The following ABCB11 variants were observed in gnomAD, a reference collection of about 807,000 sequenced individuals.
ABCB11 encodes the protein ATP binding cassette subfamily B member 11.
ABCB11 carries 95 observed loss-of-function variants against 148.0 expected under a neutral mutation model. That is an observed-to-expected ratio of 0.64 (90% CI 0.54 to 0.76). The LOEUF (loss-of-function observed/expected upper bound fraction) is 0.76, where lower values mean the gene tolerates loss of function less well. ABCB11 is among the 30% of genes least tolerant of loss of function. The pLI, the probability that ABCB11 is intolerant of heterozygous loss-of-function variation, is 0.00. For synonymous variants in ABCB11, 591 were observed against 555.4 expected, an observed-to-expected ratio of 1.06 and a Z score of -0.90; for missense variants, 1,523 against 1,617.8, an observed-to-expected ratio of 0.94 and a Z score of 1.01.
At chr2:169,016,719 T>C in intron 3 of ABCB11, 59 bp downstream of exon 3, 1 of 1,420,490 alleles carries the variant, frequency 7.0e-7, no homozygotes, top group East Asian at 2.3e-5. Flanking sequence ...GTGCCTTTGA[T>C]ATGAATATTA....
chr2:169,012,738 T>TAA lies in ABCB11; in HGVS notation c.389+532_389+533dup, dbSNP rs78964015. ...CTGGGCAAAAAAGGAGACTCCATCTTAAAAAAAAAAAAAAAAGAAAAAAGA... is the reference window on the plus strand; with the variant it reads ...CTGGGCAAAAAAGGAGACTCCATCTTAAAAAAAAAAAAAAAAAAGAAAAAAGA... On this transcript the variant is annotated intron_variant, in intron 5 of 27. Coordinates refer to ENST00000650372, the MANE Select transcript of ABCB11 (RefSeq NM_003742.4). Among the ~76,000 whole-genome samples the TAA allele has an allele frequency of 4.6e-4, 57 of 123,708 alleles. 1 individual carries two copies. Among genetic ancestry groups the TAA allele is most frequent in the East Asian group, 1.6e-3 (7 of 4,474 alleles). The allele number at this position is 123,708 out of a possible 152,430, so 81.2% of individuals were successfully genotyped here.
intron 1 of ABCB11, among the ~76,000 whole-genome samples, chr2:169,024,095 T>A (rs1695619590): frequency 6.6e-6 from 1 of 152,140 alleles, no homozygotes; most frequent in South Asian, 2.1e-4. Context: ...CATGCCGGGC[T>A]TAATACCTAG....
In ABCB11 at chr2:168,995,559, T is replaced by A. The variant is rs114991101; in HGVS notation, c.478-77A>T. On this transcript the variant is annotated intron_variant, in intron 6 of 27. Transcript: ENST00000650372. Reference sequence around the variant, plus strand: ...AATTTCTTTTTTCAGAAGAAAGTACTTTCAATACAACAGTTGAGAAAAGGG... The same window carrying A: ...AATTTCTTTTTTCAGAAGAAAGTACATTCAATACAACAGTTGAGAAAAGGG... 3,387 of 1,470,044 alleles carry A rather than the reference T, an allele frequency of 2.3e-3. 7 individuals are homozygous for A. The highest frequency in any genetic ancestry group is 2.9e-3 in the Non-Finnish European group (3,084 of 1,081,000). 91.1% of individuals were successfully genotyped at this position (1,470,044 alleles called of 1,614,324 possible). A position where few individuals can be genotyped will look rare whatever the true frequency, so the allele number is the denominator to read the frequency against.
At chr2:169,026,275 T>G (rs1204633260) in intron 1 of ABCB11, among the ~76,000 whole-genome samples, 3 of 152,188 alleles carry the variant, frequency 2.0e-5, no homozygotes, top group Admixed American at 1.3e-4. Context: ...CAGCATCAAG[T>G]GCATCACTCT....
intron 10 of ABCB11, among the ~76,000 whole-genome samples, chr2:168,982,018 A>G (rs1694151002): frequency 6.6e-6 from 1 of 152,160 alleles, no homozygotes; most frequent in South Asian, 2.1e-4. Context: ...ACAGGACAAA[A>G]GCACATTCCC....
chr2:168,944,352 G>C lies in ABCB11; in HGVS notation c.2610+253C>G, dbSNP rs191541496. Among the ~76,000 whole-genome samples, 34 of 152,110 alleles carry C rather than the reference G, an allele frequency of 2.2e-4. No homozygotes were observed. The East Asian group carries it at 6.2e-3, about 28-fold the overall frequency. Reference sequence around the variant, plus strand: ...AAAACAGACTCAGAAATGTTCCTAAGTTAGACTCAGAGGAAATCCAAAACC... The same window carrying C: ...AAAACAGACTCAGAAATGTTCCTAACTTAGACTCAGAGGAAATCCAAAACC... On this transcript the variant is annotated intron_variant, in intron 21 of 27. Coordinates refer to ENST00000650372, the MANE Select transcript of ABCB11 (RefSeq NM_003742.4).
intron 1 of ABCB11, among the ~76,000 whole-genome samples, chr2:169,028,764 G>GGTT (rs1478799093): frequency 5.3e-5 from 8 of 152,164 alleles, no homozygotes; most frequent in African/African-American, 1.9e-4. Context: ...CACCCACAGA[G>GGTT]GTTAGGAAAT....
At chr2:168,955,522 GA>G (rs1394841044) in intron 19 of ABCB11, among the ~76,000 whole-genome samples, 4 of 151,664 alleles carry the variant, frequency 2.6e-5, no homozygotes, top group African/African-American at 7.2e-5. Flanking sequence ...CAGCAAGGGG[GA>G]AATCTCCTCC....
intron 1 of ABCB11, among the ~76,000 whole-genome samples, chr2:169,023,884 T>G (rs2106070430): frequency 6.6e-6 from 1 of 152,284 alleles, no homozygotes; most frequent in African/African-American, 2.4e-5. Flanking sequence ...AACAAAAAGT[T>G]CCAGCAAGTA....
chr2:168,932,379 AT>A lies in ABCB11; in HGVS notation c.3210del (p.Lys1070AsnfsTer27), dbSNP rs2105891209. 1 of 1,555,834 alleles carries A rather than the reference AT, an allele frequency of 6.4e-7. No homozygotes were observed. ...CTGCATAGTATTCCAACACTTACCC[AT>A]TTTTCACCTGCAGTATTGTATACAC... ...PISVYNTAGE[K>X]WDNFQGKIDF... On this transcript the variant is annotated frameshift_variant, in exon 24 of 28. Coordinates refer to ENST00000650372, the MANE Select transcript of ABCB11 (RefSeq NM_003742.4). LOFTEE classifies it high-confidence loss of function.
At chr2:168,934,409 T>C (rs1387020907) in intron 23 of ABCB11, among the ~76,000 whole-genome samples, 1 of 152,162 alleles carries the variant, frequency 6.6e-6, no homozygotes, top group African/African-American at 2.4e-5. Context: ...GACTCGCCCA[T>C]ATACATGTGT....
At chr2:168,995,195 T>C (rs575801907) in intron 7 of ABCB11, among the ~76,000 whole-genome samples, 154 bp downstream of exon 7, 4 of 152,208 alleles carry the variant, frequency 2.6e-5, no homozygotes, top group South Asian at 2.1e-4. Flanking sequence ...GACAGTGTAT[T>C]ACTTATGAAA....
intron 25 of ABCB11, among the ~76,000 whole-genome samples, chr2:168,930,426 A>G (rs1691513675): frequency 6.6e-6 from 1 of 152,212 alleles, no homozygotes; most frequent in African/African-American, 2.4e-5. Flanking sequence ...CAGTGTGCCC[A>G]GTTTTCTTTG....
At chr2:168,953,895 G>A (rs1289946507) in intron 19 of ABCB11, among the ~76,000 whole-genome samples, 1 of 151,506 alleles carries the variant, frequency 6.6e-6, no homozygotes, top group Non-Finnish European at 1.5e-5. Context: ...CTATGACCTG[G>A]AAGACCCCTC....
intron 19 of ABCB11, among the ~76,000 whole-genome samples, chr2:168,953,976 T>C (rs990232169): frequency 6.6e-6 from 1 of 151,664 alleles, no homozygotes; most frequent in Non-Finnish European, 1.5e-5. Flanking sequence ...TGATGTCTCG[T>C]GTCTCCCTAA....
At position 168,970,382 on chromosome 2, in the gene ABCB11, T is replaced by A. The variant is rs1027623029; in HGVS notation, c.1639-167A>T. ...CTTCCCCAGACGGGTTATTGTCTAA[T>A]CAATATTTATGTGTGAAATAAAGGA... On this transcript the variant is annotated intron_variant, in intron 14 of 27. Coordinates refer to ENST00000650372, the MANE Select transcript of ABCB11 (RefSeq NM_003742.4). 2.0e-6 allele frequency: 3 copies of A among 1,501,408 alleles called. No homozygotes were observed. The African/African-American group carries it at 4.2e-5, about 21-fold the overall frequency. The allele number at this position is 1,501,408 out of a possible 1,614,324, so 93.0% of individuals were successfully genotyped here.
At chr2:169,015,172 T>C (rs1695315524) in intron 3 of ABCB11, among the ~76,000 whole-genome samples, 1 of 152,118 alleles carries the variant, frequency 6.6e-6, no homozygotes, top group South Asian at 2.1e-4. Context: ...CTGCCAGGCA[T>C]TTGAACCACA....
chr2:168,995,843 G>A (rs2106014809), intron 6 of ABCB11, among the ~76,000 whole-genome samples: 1 of 151,870 alleles, frequency 6.6e-6, no homozygotes, highest in African/African-American at 2.4e-5. Flanking sequence ...TGCCATTTCT[G>A]AGTGAATTTC....
At chr2:168,982,426 T>C (rs1416343061) in intron 10 of ABCB11, among the ~76,000 whole-genome samples, 2 of 152,180 alleles carry the variant, frequency 1.3e-5, no homozygotes, top group Non-Finnish European at 2.9e-5. Context: ...ATATACTGAA[T>C]GAATGTCACG....
Sources: allele counts gnomAD v4.1 joint callset (sites outside exome capture counted in the v4.1 genomes callset), GRCh38; gene constraint gnomAD v4.1.1; transcripts MANE v1.5; gene names NCBI Gene and HGNC (gene_info 2026-07-23, HGNC 2026-07-21).